Variants in LLGL2 observed in about 807,000 individuals in gnomAD.
LLGL2 encodes the protein LLGL scribble cell polarity complex component 2.
A neutral mutation model predicts 123.2 loss-of-function variants in LLGL2; 81 were observed. That is an observed-to-expected ratio of 0.66 (90% CI 0.55 to 0.79). The LOEUF is 0.79. Among genes scored for constraint, LLGL2 ranks in the 30% least tolerant of loss-of-function variants. The pLI, the probability that LLGL2 is intolerant of heterozygous loss-of-function variation, is 0.00. For synonymous variants in LLGL2, 577 were observed against 594.1 expected, an observed-to-expected ratio of 0.97 and a Z score of 0.42; for missense variants, 1,273 against 1,414.6, an observed-to-expected ratio of 0.90 and a Z score of 1.61.
chr17:75,571,118 G>A lies in LLGL2; in HGVS notation c.2176+18G>A. ...GAAGGACAGTGAGTGGCCAGCCTGG[G>A]GTTGGGGGGCAGGGGGTAGTGGGCA... On this transcript the variant is annotated intron_variant, in intron 17 of 25. Coordinates refer to ENST00000392550, the MANE Select transcript of LLGL2 (RefSeq NM_001031803.2). 6.2e-7 allele frequency: 1 copy of A among 1,600,148 alleles called. No homozygotes were observed. Among genetic ancestry groups the A allele is most frequent in the Non-Finnish European group, 8.5e-7 (1 of 1,170,872 alleles).
At chr17:75,532,871 A>T (rs1011155830) in intron 1 of LLGL2, among the ~76,000 whole-genome samples, 6 of 152,244 alleles carry the variant, frequency 3.9e-5, no homozygotes, top group African/African-American at 1.4e-4. Context: ...CGGAGACTTG[A>T]GGACAGGGTA....
chr17:75,545,590 C>T (rs2054388637), intron 2 of LLGL2, among the ~76,000 whole-genome samples: 1 of 152,154 alleles, frequency 6.6e-6, no homozygotes, highest in African/African-American at 2.4e-5. Context: ...GTCTGCCCTG[C>T]CCCTCCCCAG....
chr17:75,567,462 C>T (rs1239500132), intron 10 of LLGL2, among the ~76,000 whole-genome samples: 1 of 149,228 alleles, frequency 6.7e-6, no homozygotes, highest in East Asian at 2.0e-4. Context: ...GAAACTCCGT[C>T]TCAAAAAATA....
At chr17:75,538,871 A>G (rs2054103779) in intron 1 of LLGL2, among the ~76,000 whole-genome samples, 1 of 152,074 alleles carries the variant, frequency 6.6e-6, no homozygotes, top group Non-Finnish European at 1.5e-5. Context: ...TAGTTGCTGG[A>G]TCTTCGCATC....
chr17:75,574,188 C>T, intron 22 of LLGL2, 25 bp from the exon 23 acceptor site: 1 of 1,523,334 alleles, frequency 6.6e-7, no homozygotes, highest in South Asian at 1.3e-5. Context: ...AGGCGGGGCG[C>T]CCTGACCCGG....
chr17:75,535,174 C>T (rs1482571758), intron 1 of LLGL2, among the ~76,000 whole-genome samples: 2 of 152,222 alleles, frequency 1.3e-5, no homozygotes, highest in Non-Finnish European at 2.9e-5. Flanking sequence ...TGGTTTAGAT[C>T]CCTGCCCACC....
Position 75,568,669 on chromosome 17 carries a change from G to A in LLGL2, c.1230G>A (p.Arg410=), listed in dbSNP as rs2055551997. The A allele has an allele frequency of 6.8e-6, 11 of 1,613,656 alleles. No homozygotes were observed. Among genetic ancestry groups the A allele is most frequent in the African/African-American group, 1.3e-5 (1 of 74,976 alleles). Residue 410 remains arginine, a synonymous_variant, in exon 11 of 26, where the codon CGG becomes CGA. Coordinates refer to ENST00000392550, the MANE Select transcript of LLGL2 (RefSeq NM_001031803.2). The stretch of plus-strand genomic sequence containing the variant: ...AGCGGATCATTGCCGCCGGCAGCCG[G>A]CAGAACGCACACTTCTCCACCATGG... ...LWERIIAAGS[R]QNAHFSTMEW...
Position 75,559,507 on chromosome 17 carries a change from C to A in LLGL2, c.530+97C>A. The A allele has an allele frequency of 1.4e-6, 2 of 1,441,960 alleles. No individual in the cohort carries two copies. The highest frequency in any genetic ancestry group is 1.9e-6 in the Non-Finnish European group (2 of 1,079,948). 89.3% of individuals were successfully genotyped at this position (1,441,960 alleles called of 1,614,324 possible). On this transcript the variant is annotated intron_variant, in intron 6 of 25. Coordinates refer to ENST00000392550, the MANE Select transcript of LLGL2 (RefSeq NM_001031803.2). The surrounding 1 kb of genome is among the most constrained non-coding windows in gnomAD (Gnocchi z 4.6). ...GACTCTGTCAGGAGCTGTCATTTCT[C>A]TGCTGGGAATTCCATGGGGCTATAG...
rs774595912 is a variant in LLGL2 at position 75,563,080 on chromosome 17, C to G, written c.595C>G (p.Arg199Gly). ...GGTGGAGGCACTGCAGGAGCACCCTCGAGACCCCAACCAGATCCTGATCGG... is the reference window on the plus strand; with the variant it reads ...GGTGGAGGCACTGCAGGAGCACCCTGGAGACCCCAACCAGATCCTGATCGG... ...EMVEALQEHP[R>G]DPNQILIGYS... The change falls in exon 7 of 26, where the codon CGA becomes GGA. Residue 199 changes from arginine (R) to glycine (G), a missense_variant. By Grantham distance (125) the Arg-to-Gly change is moderately radical. Coordinates refer to ENST00000392550, the MANE Select transcript of LLGL2 (RefSeq NM_001031803.2). 16 of 1,613,118 alleles carry G rather than the reference C, an allele frequency of 9.9e-6. No individual in the cohort carries two copies. Among genetic ancestry groups the G allele is most frequent in the Middle Eastern group, 3.3e-4 (2 of 6,084 alleles).
intron 2 of LLGL2, among the ~76,000 whole-genome samples, chr17:75,552,627 T>G (rs1734868731): frequency 6.6e-6 from 1 of 152,270 alleles, no homozygotes; most frequent in Non-Finnish European, 1.5e-5. Context: ...ACGGCACATC[T>G]CAGTTCAGAC....
chr17:75,559,469 C>T lies in LLGL2; in HGVS notation c.530+59C>T. On this transcript the variant is annotated intron_variant, in intron 6 of 25. Transcript: ENST00000392550. The surrounding 1 kb of genome is among the most constrained non-coding windows in gnomAD (Gnocchi z 4.6). ...CCCCTCAAGTTAGGCATGGCTTCTC[C>T]CCTTGGTCCCAGGACTCTGTCAGGA... 1 of 1,536,218 alleles carries T rather than the reference C, an allele frequency of 6.5e-7. No individual in the cohort carries two copies. The highest frequency in any genetic ancestry group is 8.8e-7 in the Non-Finnish European group (1 of 1,142,248).
chr17:75,532,051 T>TACACACAC lies in LLGL2; in HGVS notation c.-31+6227_-31+6228insCACACACA, dbSNP rs1470150170. Among the ~76,000 whole-genome samples the TACACACAC allele has an allele frequency of 3.0e-4, 11 of 36,778 alleles. 1 individual carries two copies. Among genetic ancestry groups the TACACACAC allele is most frequent in the African/African-American group, 6.8e-4 (10 of 14,706 alleles). 24.1% of individuals were successfully genotyped at this position (36,778 alleles called of 152,430 possible). ...GACTGTAATAAATTATATATATGTA[T>TACACACAC]ATATACACACACACACACACACACA... is the stretch of plus-strand genomic sequence containing the variant. On this transcript the variant is annotated intron_variant, in intron 1 of 25. Coordinates refer to ENST00000392550, the MANE Select transcript of LLGL2 (RefSeq NM_001031803.2).
At chr17:75,531,682 A>C (rs2053793039) in intron 1 of LLGL2, among the ~76,000 whole-genome samples, 1 of 152,238 alleles carries the variant, frequency 6.6e-6, no homozygotes, top group Admixed American at 6.5e-5. Flanking sequence ...CGGGGCCACC[A>C]GCACTGTTTG....
intron 2 of LLGL2, among the ~76,000 whole-genome samples, chr17:75,545,693 C>T (rs1392310890): frequency 2.6e-5 from 4 of 152,132 alleles, no homozygotes; most frequent in South Asian, 2.1e-4. Flanking sequence ...ATAGTGGTCC[C>T]ATTTACAATG....
Position 75,569,333 on chromosome 17 carries a change from G to C in LLGL2, c.1581+8G>C. ...GCAGGCACGGCAGGGCAGGTAGCAG[G>C]CTGGGCTGGGGAGGGGGAGCTGGGG... On this transcript the variant is annotated splice_region_variant and intron_variant, in intron 14 of 25. Coordinates refer to ENST00000392550, the MANE Select transcript of LLGL2 (RefSeq NM_001031803.2). 6.2e-7 allele frequency: 1 copy of C among 1,609,126 alleles called. No homozygotes were observed. Among genetic ancestry groups the C allele is most frequent in the Non-Finnish European group, 8.5e-7 (1 of 1,176,508 alleles).
At chr17:75,551,041 C>T (rs890903420) in intron 2 of LLGL2, among the ~76,000 whole-genome samples, 4 of 152,154 alleles carry the variant, frequency 2.6e-5, no homozygotes, top group Non-Finnish European at 4.4e-5. Context: ...CTGCCCAGCC[C>T]GAGCCCCTGT....
chr17:75,540,738 CAG>C (rs2054175777), intron 1 of LLGL2, among the ~76,000 whole-genome samples: 1 of 152,152 alleles, frequency 6.6e-6, no homozygotes. Context: ...GTGACCTTGA[CAG>C]GGTGTTTTGC....
chr17:75,559,123 C>G lies in LLGL2; in HGVS notation c.372-129C>G. On this transcript the variant is annotated intron_variant, in intron 5 of 25. Coordinates refer to ENST00000392550, the MANE Select transcript of LLGL2 (RefSeq NM_001031803.2). The surrounding 1 kb of genome is among the most constrained non-coding windows in gnomAD (Gnocchi z 4.6). ...TGGCAGAAAGTGACCAATGTTTGTCCTGGCTTGAAATGTTATGACCTCATT... is the reference window on the plus strand; with the variant it reads ...TGGCAGAAAGTGACCAATGTTTGTCGTGGCTTGAAATGTTATGACCTCATT... 9.9e-7 allele frequency: 1 copy of G among 1,010,182 alleles called. No homozygotes were observed. The highest frequency in any genetic ancestry group is 3.0e-5 in the Admixed American group (1 of 33,284). The allele number at this position is 1,010,182 out of a possible 1,614,324, so 62.6% of individuals were successfully genotyped here. A position where few individuals can be genotyped will look rare whatever the true frequency, so the allele number is the denominator to read the frequency against.
intron 1 of LLGL2, among the ~76,000 whole-genome samples, chr17:75,531,300 C>T (rs147537279): frequency 6.6e-6 from 1 of 152,328 alleles, no homozygotes; most frequent in Non-Finnish European, 1.5e-5. Flanking sequence ...GAGATCTGCG[C>T]ATCTCTGGCA....
Sources: gnomAD v4.1 joint callset for allele counts (sites outside exome capture counted in the v4.1 genomes callset) on GRCh38, gnomAD v4.1.1 for gene constraint, Gnocchi (gnomAD v3.1) non-coding constraint, MANE v1.5 for transcripts, NCBI Gene and HGNC (gene_info 2026-07-23, HGNC 2026-07-21) for gene names.